Variants in PKN2 observed in about 807,000 individuals in gnomAD.
PKN2 encodes the protein serine/threonine-protein kinase N2.
Under a neutral mutation model 119.1 loss-of-function variants are expected in PKN2, and 38 were observed. The observed-to-expected ratio is 0.32, with a 90% CI of 0.25 to 0.42. PKN2 has a LOEUF of 0.42. Among genes scored for constraint, PKN2 ranks in the 10% least tolerant of loss-of-function variants. The probability of loss-of-function intolerance (pLI) is 1.00; values close to 1 mark genes in which losing one functional copy is unlikely to be tolerated. For synonymous variants in PKN2, 390 were observed against 384.9 expected (o/e 1.01, Z -0.15); for missense variants, 850 against 1,165.1 (o/e 0.73, Z 3.94).
At chr1:88,759,233 T>C (rs1458750390) in intron 2 of PKN2, among the ~76,000 whole-genome samples, 5 of 152,094 alleles carry the variant, frequency 3.3e-5, no homozygotes, top group Admixed American at 2.0e-4. Context: ...CATGGTGGCG[T>C]ATGCCTGTAA....
At chr1:88,710,993 C>T (rs1009323874) in intron 1 of PKN2, among the ~76,000 whole-genome samples, 3 of 152,098 alleles carry the variant, frequency 2.0e-5, no homozygotes, top group Non-Finnish European at 2.9e-5. Context: ...ATTATGTCTT[C>T]TGTGGGGACA....
intron 6 of PKN2, among the ~76,000 whole-genome samples, chr1:88,778,245 A>G (rs1670186090): frequency 6.6e-6 from 1 of 152,258 alleles, no homozygotes; most frequent in South Asian, 2.1e-4. Flanking sequence ...TCTTGGCAAA[A>G]TAAACTTCTA....
At chr1:88,728,473 GTCTT>G (rs1175469553) in intron 1 of PKN2, among the ~76,000 whole-genome samples, 2 of 151,518 alleles carry the variant, frequency 1.3e-5, no homozygotes, top group East Asian at 1.9e-4. Context: ...CTTATCTAAT[GTCTT>G]TCTTCTCACT....
At position 88,776,322 on chromosome 1, in the gene PKN2, G is replaced by C. The variant is rs1156648183; in HGVS notation, c.985+4443G>C. 2.7e-5 allele frequency among the ~76,000 whole-genome samples: 4 copies of C among 149,906 alleles called. No individual in the cohort carries two copies. The East Asian group carries it at 7.8e-4, about 29-fold the overall frequency. Reference sequence around the variant, plus strand: ...CTTCTTTAGCATTTCTTATGGGCGGGTCTCCTAGTGTCTACCTCCCTTAGC... The same window carrying C: ...CTTCTTTAGCATTTCTTATGGGCGGCTCTCCTAGTGTCTACCTCCCTTAGC... On this transcript the variant is annotated intron_variant, in intron 6 of 21. Transcript: ENST00000370521.
chr1:88,763,644 C>T (rs1669538534), intron 3 of PKN2, among the ~76,000 whole-genome samples: 1 of 151,520 alleles, frequency 6.6e-6, no homozygotes, highest in African/African-American at 2.4e-5. Flanking sequence ...CACATCCATC[C>T]TCCTCAGACT....
chr1:88,684,746 G>T, intron 1 of PKN2, 118 bp downstream of exon 1: 1 of 825,920 alleles, frequency 1.2e-6, no homozygotes, highest in Non-Finnish European at 1.8e-6. Context: ...GCTAAGTGCG[G>T]AAACTCCGGG....
chr1:88,811,694 A>G (rs570262049), intron 15 of PKN2, among the ~76,000 whole-genome samples: 29 of 152,130 alleles, frequency 1.9e-4, no homozygotes, highest in Non-Finnish European at 3.8e-4. Context: ...CCCCTTACCT[A>G]CAACACTCAA....
rs1353910648 is a variant in PKN2 at position 88,776,121 on chromosome 1, A to T, written c.985+4242A>T. 4.6e-5 allele frequency among the ~76,000 whole-genome samples: 7 copies of T among 151,608 alleles called. No individual in the cohort carries two copies. The East Asian group carries it at 1.4e-3, about 30-fold the overall frequency. On this transcript the variant is annotated intron_variant, in intron 6 of 21. Transcript: ENST00000370521. ...AGACTCCGTCTCAAAAAAAAAAAAA[A>T]AATACTGGCTTCTATATTTACTTAT...
chr1:88,825,065 C>T (rs1422148795), intron 18 of PKN2, among the ~76,000 whole-genome samples: 2 of 152,194 alleles, frequency 1.3e-5, no homozygotes, highest in African/African-American at 4.8e-5. Context: ...TGCTATTTAG[C>T]TTTGTTTCCA....
intron 2 of PKN2, among the ~76,000 whole-genome samples, chr1:88,742,184 T>C (rs1237339500): frequency 1.3e-5 from 2 of 152,140 alleles, no homozygotes; most frequent in East Asian, 3.8e-4. Context: ...TGAGAGTGTA[T>C]AGAGTAATAC....
chr1:88,714,926 T>C (rs1667383645), intron 1 of PKN2, among the ~76,000 whole-genome samples: 1 of 152,214 alleles, frequency 6.6e-6, no homozygotes, highest in Admixed American at 6.5e-5. Context: ...AAATAGCTCT[T>C]ATTATTTTGA....
Position 88,822,030 on chromosome 1 carries a change from T to C in PKN2, c.2342+27T>C, listed in dbSNP as rs1266220692. On this transcript the variant is annotated intron_variant, in intron 17 of 21. Coordinates refer to ENST00000370521, the MANE Select transcript of PKN2 (RefSeq NM_006256.4). ...TAAGTTAATTTTTAATTTTTTCTAATGGCTTGCTTTGGTATGATTTAGAAT... is the reference window on the plus strand; with the variant it reads ...TAAGTTAATTTTTAATTTTTTCTAACGGCTTGCTTTGGTATGATTTAGAAT... 4 of 1,472,886 alleles carry C rather than the reference T, an allele frequency of 2.7e-6. No homozygotes were observed. The African/African-American group carries it at 4.3e-5, about 16-fold the overall frequency. The allele number at this position is 1,472,886 out of a possible 1,614,324, so 91.2% of individuals were successfully genotyped here. A position where few individuals can be genotyped will look rare whatever the true frequency, so the allele number is the denominator to read the frequency against.
chr1:88,759,819 A>C (rs1669366075), intron 2 of PKN2, among the ~76,000 whole-genome samples: 1 of 152,204 alleles, frequency 6.6e-6, no homozygotes. Context: ...TGAGCCAGGA[A>C]GAAATAGAAC....
intron 1 of PKN2, among the ~76,000 whole-genome samples, chr1:88,728,958 G>A (rs1358165541): frequency 1.4e-5 from 2 of 146,476 alleles, no homozygotes; most frequent in Admixed American, 6.9e-5. Context: ...GCAATGACAC[G>A]ATCTCGGCTC....
intron 6 of PKN2, among the ~76,000 whole-genome samples, chr1:88,780,472 T>C (rs1670291385): frequency 6.6e-6 from 1 of 152,204 alleles, no homozygotes; most frequent in African/African-American, 2.4e-5. Context: ...ACTCCTATCA[T>C]GAATATTCTG....
chr1:88,779,402 T>C (rs892215456), intron 6 of PKN2, among the ~76,000 whole-genome samples: 5 of 151,954 alleles, frequency 3.3e-5, no homozygotes, highest in Non-Finnish European at 1.5e-5. Context: ...TTTTTTAGGA[T>C]TCATTACATA....
chr1:88,752,122 A>G (rs1364305895), intron 2 of PKN2, among the ~76,000 whole-genome samples: 2 of 151,712 alleles, frequency 1.3e-5, no homozygotes. Context: ...TGAATGTTGT[A>G]CCTCCTGTTT....
intron 1 of PKN2, among the ~76,000 whole-genome samples, chr1:88,686,479 A>G (rs1666106455): frequency 6.6e-6 from 1 of 152,122 alleles, no homozygotes; most frequent in African/African-American, 2.4e-5. Flanking sequence ...ATGATGACCT[A>G]GAAATACGAC....
At chr1:88,707,105 T>A (rs937362392) in intron 1 of PKN2, among the ~76,000 whole-genome samples, 11 of 152,048 alleles carry the variant, frequency 7.2e-5, no homozygotes, top group Non-Finnish European at 1.3e-4. Flanking sequence ...CTTTTTTTTT[T>A]AATTAGGAAA....
Sources: allele counts gnomAD v4.1 joint callset (sites outside exome capture counted in the v4.1 genomes callset), GRCh38; gene constraint gnomAD v4.1.1; transcripts MANE v1.5; gene names NCBI Gene and HGNC (gene_info 2026-07-23, HGNC 2026-07-21).